The following YBX3 variants were observed in gnomAD, a reference collection of about 807,000 sequenced individuals.
The protein encoded by YBX3 is Y-box-binding protein 3.
Under a neutral mutation model 42.4 loss-of-function variants are expected in YBX3, and 29 were observed. The observed-to-expected ratio is 0.68, with a 90% CI of 0.51 to 0.93. The LOEUF (loss-of-function observed/expected upper bound fraction) is 0.93, where lower values mean the gene tolerates loss of function less well. Among genes scored for constraint, YBX3 ranks in the 40% least tolerant of loss-of-function variants. YBX3 has a pLI of 0.00. For synonymous variants in YBX3, 195 were observed against 189.8 expected, an observed-to-expected ratio of 1.03 and a Z score of -0.22; for missense variants, 517 against 527.5, an observed-to-expected ratio of 0.98 and a Z score of 0.19.
At chr12:10,701,887 C>T in intron 8 of YBX3, 73 bp downstream of exon 8, 2 of 1,506,392 alleles carry the variant, frequency 1.3e-6, no homozygotes, top group Non-Finnish European at 1.8e-6. Context: ...GTGATAAAAC[C>T]ACTTTTAGAA....
chr12:10,711,927 G>A (rs1345873136), intron 5 of YBX3: 1 of 152,194 alleles, frequency 6.6e-6, no homozygotes, highest in African/African-American at 2.4e-5. Flanking sequence ...CTGTGACTCT[G>A]ATGAACTTCA....
chr12:10,713,410 G>C, intron 4 of YBX3, 77 bp from the exon 5 acceptor site: 1 of 1,523,406 alleles, frequency 6.6e-7, no homozygotes, highest in South Asian at 1.2e-5. Context: ...TGGACTGCTA[G>C]AGTATAAGAC....
chr12:10,708,663 G>A (rs1044552381), intron 6 of YBX3, among the ~76,000 whole-genome samples: 1 of 152,232 alleles, frequency 6.6e-6, no homozygotes. Flanking sequence ...ACTAAATGCA[G>A]TTAAGTTACA....
At position 10,710,119 on chromosome 12, in the gene YBX3, C is replaced by A. The variant is rs770331515; in HGVS notation, c.574-5G>T. The A allele has an allele frequency of 4.3e-6, 7 of 1,612,018 alleles. No homozygotes were observed. Among genetic ancestry groups the A allele is most frequent in the Non-Finnish European group, 5.1e-6 (6 of 1,179,672 alleles). On this transcript the variant is annotated splice_region_variant and splice_polypyrimidine_tract_variant and intron_variant, in intron 5 of 9. Coordinates refer to ENST00000228251, the MANE Select transcript of YBX3 (RefSeq NM_003651.5). ...CTCCTCCTCCTCCCCAGCGTACTAGCGAAGCAAAGAAACAGAGATTCAGAA... is the reference window on the plus strand; with the variant it reads ...CTCCTCCTCCTCCCCAGCGTACTAGAGAAGCAAAGAAACAGAGATTCAGAA...
At chr12:10,716,059 C>T (rs1948258596) in intron 3 of YBX3, 1 of 404,622 alleles carries the variant, frequency 2.5e-6, no homozygotes, top group African/African-American at 2.1e-5. Flanking sequence ...TGACTACACA[C>T]TACTGTTACA....
intron 8 of YBX3, 74 bp from the exon 9 acceptor site, chr12:10,701,427 A>G (rs530229127): frequency 2.6e-6 from 2 of 764,424 alleles, no homozygotes; most frequent in African/African-American, 3.4e-5. Context: ...AAAGTTCTTA[A>G]AAGTTTGAAT....
chr12:10,717,572 G>C (rs1254613871), intron 3 of YBX3: 1 of 152,164 alleles, frequency 6.6e-6, no homozygotes, highest in Non-Finnish European at 1.5e-5. Flanking sequence ...TTTTGACCTG[G>C]ACACGTCCTA....
chr12:10,700,542 T>C (rs1490073247), intron 9 of YBX3, among the ~76,000 whole-genome samples: 3 of 152,164 alleles, frequency 2.0e-5, no homozygotes, highest in African/African-American at 7.2e-5. Flanking sequence ...TCCAAGACCT[T>C]TAAAAGACAG....
chr12:10,709,974 C>T lies in YBX3; in HGVS notation c.714G>A (p.Pro238=), dbSNP rs374011603. ...CAAAGGTCTGTCCCACGTGGTAAGG[C>T]GGGAACCGCCGCTGCCGGTACTGAG... ...YRPQYRQRRF[P]PYHVGQTFDR... is the part of the protein sequence containing the mutation. The change falls in exon 6 of 10, where the codon CCG becomes CCA. Residue 238 remains proline, a synonymous_variant. Transcript: ENST00000228251. 32 of 1,612,206 alleles carry T rather than the reference C, an allele frequency of 2.0e-5. No individual in the cohort carries two copies. The Middle Eastern group carries it at 5.0e-4, about 25-fold the overall frequency.
At position 10,715,292 on chromosome 12, in the gene YBX3, C is replaced by T. The variant is rs979838199; in HGVS notation, c.450+402G>A. ...GGGTGTGGTGGCTCACACCTGTAAT[C>T]CCAGTACTTTGGGAGGCTGACACAG... On this transcript the variant is annotated intron_variant, in intron 4 of 9. Coordinates refer to ENST00000228251, the MANE Select transcript of YBX3 (RefSeq NM_003651.5). Among the ~76,000 whole-genome samples the T allele has an allele frequency of 7.9e-5, 12 of 151,948 alleles. 1 individual carries two copies. Among genetic ancestry groups the T allele is most frequent in the African/African-American group, 2.9e-4 (12 of 41,474 alleles).
chr12:10,714,334 CAGCTGCCATGATT>C (rs1180379964), intron 4 of YBX3, among the ~76,000 whole-genome samples: 1 of 152,180 alleles, frequency 6.6e-6, no homozygotes, highest in Non-Finnish European at 1.5e-5. Flanking sequence ...ATTTATAATT[CAGCTGCCATGATT>C]AGCTGCCATG....
chr12:10,707,447 A>G (rs1024979421), intron 6 of YBX3, among the ~76,000 whole-genome samples: 3 of 152,208 alleles, frequency 2.0e-5, no homozygotes, highest in African/African-American at 7.2e-5. Context: ...CACTCAATCC[A>G]TCATGAAATG....
intron 4 of YBX3, among the ~76,000 whole-genome samples, chr12:10,715,137 A>G (rs1239032716): frequency 6.6e-6 from 1 of 152,252 alleles, no homozygotes; most frequent in African/African-American, 2.4e-5. Flanking sequence ...ATAAAAATAT[A>G]AATTATTTTT....
At chr12:10,709,326 T>C (rs1228076270) in intron 6 of YBX3, among the ~76,000 whole-genome samples, 4 of 152,214 alleles carry the variant, frequency 2.6e-5, no homozygotes, top group Non-Finnish European at 4.4e-5. Flanking sequence ...GCTGTACTAA[T>C]ATTCTGCAGT....
intron 6 of YBX3, among the ~76,000 whole-genome samples, chr12:10,709,575 A>C (rs1044860123): frequency 6.6e-6 from 1 of 152,244 alleles, no homozygotes; most frequent in Non-Finnish European, 1.5e-5. Flanking sequence ...AAGTAGCAGA[A>C]ACAGGATTCA....
intron 6 of YBX3, among the ~76,000 whole-genome samples, chr12:10,708,085 C>T (rs1948157697): frequency 6.6e-6 from 1 of 152,190 alleles, no homozygotes; most frequent in South Asian, 2.1e-4. Context: ...AAAGTAAGAA[C>T]CGATTCCAAA....
chr12:10,704,684 AAACAG>A (rs1948118350), intron 6 of YBX3, among the ~76,000 whole-genome samples: 1 of 152,218 alleles, frequency 6.6e-6, no homozygotes, highest in Non-Finnish European at 1.5e-5. Context: ...CAAGAAAGAG[AAACAG>A]TCAGAAGACA....
At position 10,715,694 on chromosome 12, in the gene YBX3, C is replaced by T; in HGVS notation, c.450G>A (p.Lys150=). 6.2e-7 allele frequency: 1 copy of T among 1,613,764 alleles called. No homozygotes were observed. The highest frequency in any genetic ancestry group is 1.1e-5 in the South Asian group (1 of 91,078). Residue 150 remains lysine, a splice_region_variant and synonymous_variant, in exon 4 of 10, where the codon AAG becomes AAA. Transcript: ENST00000228251. ...TVEFDVVEGE[K]GAEAANVTGP... ...ATACCCAACCACAATTTCCTCTCAC[C>T]TTCTCTCCTTCAACCACATCAAACT...
intron 3 of YBX3, 103 bp from the exon 4 acceptor site, chr12:10,715,886 C>T (rs865820966): frequency 1.1e-5 from 10 of 949,152 alleles, no homozygotes; most frequent in Middle Eastern, 2.3e-4. Flanking sequence ...AACTGTTGAC[C>T]GATTCTTATT....
Sources: gnomAD v4.1 joint callset for allele counts (sites outside exome capture counted in the v4.1 genomes callset) on GRCh38, gnomAD v4.1.1 for gene constraint, MANE v1.5 for transcripts, NCBI Gene and HGNC (gene_info 2026-07-23, HGNC 2026-07-21) for gene names.